Variants in PGM2L1 observed in about 807,000 individuals in gnomAD.
The protein encoded by PGM2L1 is glucose 1,6-bisphosphate synthase.
Under a neutral mutation model 73.4 loss-of-function variants are expected in PGM2L1, and 35 were observed. The observed-to-expected ratio is 0.48, with a 90% CI of 0.36 to 0.63. The LOEUF is 0.63. Ranked by LOEUF, PGM2L1 falls within the 30% of genes least tolerant of loss-of-function variation. The pLI is 0.00. For synonymous variants in PGM2L1, 225 were observed against 253.8 expected, an observed-to-expected ratio of 0.89 and a Z score of 1.08; for missense variants, 570 against 742.0, an observed-to-expected ratio of 0.77 and a Z score of 2.69.
rs1229289819 is a variant in PGM2L1, at chr11:74,335,666, CAAAT to C, written c.*982_*985del. 1.3e-5 allele frequency: 2 copies of C among 152,250 alleles called. No individual in the cohort carries two copies. The highest frequency in any genetic ancestry group is 4.8e-5 in the African/African-American group (2 of 41,424). The allele number at this position is 152,250 out of a possible 1,614,324, so 9.4% of individuals were successfully genotyped here. A position where few individuals can be genotyped will look rare whatever the true frequency, so the allele number is the denominator to read the frequency against. Reference sequence around the variant, plus strand: ...AAATGTAATTCAAAAGTTAGACTGTCAAATAAATTCAGAGCTCCTTTCTCAGTTC... The same window carrying C: ...AAATGTAATTCAAAAGTTAGACTGTCAAATTCAGAGCTCCTTTCTCAGTTC... On this transcript the variant is annotated 3_prime_UTR_variant, in exon 14 of 14. Transcript: ENST00000298198.
At chr11:74,390,424 A>G (rs1475549747) in intron 1 of PGM2L1, among the ~76,000 whole-genome samples, 1 of 152,178 alleles carries the variant, frequency 6.6e-6, no homozygotes, top group Non-Finnish European at 1.5e-5. Flanking sequence ...TTGACAGCTA[A>G]TTTGTTTTAA....
Position 74,346,823 on chromosome 11 carries a change from A to G in PGM2L1, c.946T>C (p.Ser316Pro). The stretch of plus-strand genomic sequence containing the variant: ...TTTTCTTTCTCTGCCAGTCTCAAGG[A>G]AAGTTCCTGAAACAGTGACCCAAAA... Reference protein sequence around the residue: ...PEEGESVLELSLRLAEKENAR... With the variant: ...PEEGESVLELPLRLAEKENAR... The change falls in exon 8 of 14, where the codon TCC becomes CCC. Residue 316 changes from serine (S) to proline (P), a missense_variant. Ser to Pro is a moderately conservative substitution (Grantham distance 74). Coordinates refer to ENST00000298198, the MANE Select transcript of PGM2L1 (RefSeq NM_173582.6). 1.2e-6 allele frequency: 2 copies of G among 1,613,570 alleles called. No homozygotes were observed. Among genetic ancestry groups the G allele is most frequent in the Non-Finnish European group, 8.5e-7 (1 of 1,179,490 alleles).
At position 74,374,435 on chromosome 11, in the gene PGM2L1, T is replaced by A; in HGVS notation, c.259A>T (p.Thr87Ser). The A allele has an allele frequency of 6.2e-7, 1 of 1,613,178 alleles. No individual in the cohort carries two copies. The highest frequency in any genetic ancestry group is 1.1e-5 in the South Asian group (1 of 91,014). The stretch of plus-strand genomic sequence containing the variant: ...CTTACCTGTGTTGACTGTATTACTG[T>A]AAGGTCATTAATATAGCAAAACCCT... ...GAGFCYINDL[T>S]VIQSTQGMYK... The change falls in exon 2 of 14, where the codon ACA (threonine) becomes TCA (serine). Residue 87 changes from threonine to serine, a missense_variant. Transcript: ENST00000298198.
At position 74,332,517 on chromosome 11, in the gene PGM2L1, G is replaced by A. The variant is rs983346955; in HGVS notation, c.*4135C>T. On this transcript the variant is annotated 3_prime_UTR_variant, in exon 14 of 14. Transcript: ENST00000298198. ...GAGATTTCTTATCAGTGAGGTAACA[G>A]GGCAATAGTCCTTCACAGTAACAAA... is the stretch of plus-strand genomic sequence containing the variant. 1.3e-5 allele frequency: 2 copies of A among 152,582 alleles called. No homozygotes were observed. The highest frequency in any genetic ancestry group is 1.3e-4 in the Admixed American group (2 of 15,272). 9.5% of individuals were successfully genotyped at this position (152,582 alleles called of 1,614,324 possible).
chr11:74,351,634 G>T, intron 5 of PGM2L1, 58 bp from the exon 6 acceptor site: 1 of 1,409,782 alleles, frequency 7.1e-7, no homozygotes, highest in Non-Finnish European at 9.7e-7. Flanking sequence ...ATCTTTTCTT[G>T]TCTATAGTTG....
intron 12 of PGM2L1, among the ~76,000 whole-genome samples, 157 bp downstream of exon 12, chr11:74,342,304 C>T (rs915674387): frequency 6.6e-6 from 1 of 152,124 alleles, no homozygotes; most frequent in Non-Finnish European, 1.5e-5. Context: ...TACATCTCTT[C>T]CATCTGGCTG....
intron 1 of PGM2L1, among the ~76,000 whole-genome samples, chr11:74,380,627 G>GA (rs1862928561): frequency 6.6e-6 from 1 of 151,790 alleles, no homozygotes; most frequent in African/African-American, 2.4e-5. Flanking sequence ...AAATTAGTGT[G>GA]AAAAATTTAA....
intron 4 of PGM2L1, 113 bp downstream of exon 4, chr11:74,370,789 C>G: frequency 1.4e-6 from 1 of 739,954 alleles, no homozygotes; most frequent in Non-Finnish European, 2.0e-6. Flanking sequence ...TCCATTGGTC[C>G]CTTATATTAC....
chr11:74,386,478 A>T (rs558227502), intron 1 of PGM2L1, among the ~76,000 whole-genome samples: 2 of 151,768 alleles, frequency 1.3e-5, no homozygotes, highest in East Asian at 3.9e-4. Flanking sequence ...CAAAAAAAAA[A>T]ACTTTTTTTT....
intron 1 of PGM2L1, among the ~76,000 whole-genome samples, chr11:74,396,275 A>G (rs1591196760): frequency 6.7e-6 from 1 of 150,160 alleles, no homozygotes; most frequent in East Asian, 2.0e-4. Context: ...TTAAAAAAAA[A>G]AAAAAAAATC....
chr11:74,334,281 A>G lies in PGM2L1; in HGVS notation c.*2371T>C, dbSNP rs1158237845. ...TATGAATGAGCCGTTGATTCATTTT[A>G]GCTTCATTTTTGTTTATCAGTCACT... is the stretch of plus-strand genomic sequence containing the variant. On this transcript the variant is annotated 3_prime_UTR_variant, in exon 14 of 14. Transcript: ENST00000298198. 2 of 152,214 alleles carry G rather than the reference A, an allele frequency of 1.3e-5. No individual in the cohort carries two copies. Among genetic ancestry groups the G allele is most frequent in the Admixed American group, 1.3e-4 (2 of 15,274 alleles). The allele number at this position is 152,214 out of a possible 1,614,324, so 9.4% of individuals were successfully genotyped here.
At position 74,370,957 on chromosome 11, in the gene PGM2L1, A is replaced by G. The variant is rs1862742281; in HGVS notation, c.416T>C (p.Leu139Pro). ...AAGGTACACAGGAACATCTTTGGCC[A>G]GCAAGACTGCAGCAGTGAGTTTAGC... ...RLAKLTAAVL[L>P]AKDVPVYLFS... is the part of the protein sequence containing the mutation. Residue 139 changes from leucine (L) to proline (P), a missense_variant, in exon 4 of 14, where the codon CTG (leucine) becomes CCG (proline). Physicochemically the swap from Leu to Pro is moderately conservative, Grantham distance 98. Coordinates refer to ENST00000298198, the MANE Select transcript of PGM2L1 (RefSeq NM_173582.6). The G allele has an allele frequency of 5.0e-6, 8 of 1,613,532 alleles. No homozygotes were observed. Among genetic ancestry groups the G allele is most frequent in the Non-Finnish European group, 6.8e-6 (8 of 1,179,578 alleles).
At chr11:74,377,138 C>CT (rs34347042) in intron 1 of PGM2L1, among the ~76,000 whole-genome samples, 28,882 of 142,540 alleles carry the variant, frequency 0.2, 2,978 homozygotes, top group East Asian at 0.28. Context: ...ATTATTATTT[C>CT]TTTTTTTTTT....
intron 5 of PGM2L1, among the ~76,000 whole-genome samples, chr11:74,363,027 T>C (rs1173384496): frequency 6.6e-6 from 1 of 152,122 alleles, no homozygotes; most frequent in Non-Finnish European, 1.5e-5. Context: ...ACAGAAATTA[T>C]AACAAACTGT....
intron 13 of PGM2L1, 28 bp from the exon 14 acceptor site, chr11:74,336,782 T>G (rs1326428282): frequency 4.0e-6 from 6 of 1,486,626 alleles, no homozygotes; most frequent in Non-Finnish European, 5.6e-6. Flanking sequence ...AGTTTTGGAA[T>G]TATTTATTTT....
Position 74,374,397 on chromosome 11 carries a change from A to C in PGM2L1, c.279+18T>G, listed in dbSNP as rs771672537. ...ATGTCCAGTCAAAAGTACACTCTTA[A>C]TACTTTATAATACTTACCTGTGTTG... is the stretch of plus-strand genomic sequence containing the variant. On this transcript the variant is annotated intron_variant, in intron 2 of 13. Coordinates refer to ENST00000298198, the MANE Select transcript of PGM2L1 (RefSeq NM_173582.6). 2 of 1,587,982 alleles carry C rather than the reference A, an allele frequency of 1.3e-6. No individual in the cohort carries two copies. Among genetic ancestry groups the C allele is most frequent in the Non-Finnish European group, 1.7e-6 (2 of 1,162,334 alleles).
At chr11:74,383,930 C>T (rs891550703) in intron 1 of PGM2L1, among the ~76,000 whole-genome samples, 6 of 150,060 alleles carry the variant, frequency 4.0e-5, no homozygotes, top group African/African-American at 1.5e-4. Flanking sequence ...AATGAACATA[C>T]GTGTGCATAT....
intron 5 of PGM2L1, among the ~76,000 whole-genome samples, chr11:74,366,793 A>T (rs1465788897): frequency 6.6e-6 from 1 of 152,166 alleles, no homozygotes; most frequent in African/African-American, 2.4e-5. Flanking sequence ...GAGGCAGATT[A>T]TGCAGACTTA....
chr11:74,355,479 G>T (rs61902400), intron 5 of PGM2L1: 1 of 369,112 alleles, frequency 2.7e-6, no homozygotes, highest in African/African-American at 2.2e-5. Flanking sequence ...GCGTGAACCC[G>T]GGAGGCGGAG....
Sources: allele counts gnomAD v4.1 joint callset (sites outside exome capture counted in the v4.1 genomes callset), GRCh38; gene constraint gnomAD v4.1.1; transcripts MANE v1.5; gene names NCBI Gene and HGNC (gene_info 2026-07-23, HGNC 2026-07-21).